CLN8: variants seen among roughly 807,000 people sequenced by gnomAD.
CLN8 encodes protein CLN8.
A neutral mutation model predicts 15.7 loss-of-function variants in CLN8; 14 were observed. The ratio of observed to expected loss-of-function variants is 0.89; its 90% CI spans 0.59 to 1.39. The LOEUF is 1.39. CLN8 is among the 40% of genes most tolerant of loss of function. CLN8 has a pLI of 0.00. For missense variants in CLN8, 415 were observed against 364.0 expected (o/e 1.14, Z -1.14); for synonymous variants, 188 against 151.0 (o/e 1.25, Z -1.80).
chr8:1,768,216 T>C (rs909016579), intron 1 of CLN8, among the ~76,000 whole-genome samples: 3 of 152,190 alleles, frequency 2.0e-5, no homozygotes, highest in African/African-American at 7.2e-5. Flanking sequence ...AGTGCTGGGA[T>C]TACAGGTGTG....
chr8:1,763,175 C>G (rs1444805627), upstream of CLN8: 1 of 151,974 alleles, frequency 6.6e-6, no homozygotes, highest in Non-Finnish European at 1.5e-5. Context: ...ACACCCGGAG[C>G]GCGACTCAGC....
chr8:1,771,338 A>C lies in CLN8; in HGVS notation c.284A>C (p.Lys95Thr). The change falls in exon 2 of 3, where the codon AAG (lysine) becomes ACG (threonine). Residue 95 changes from lysine to threonine, a missense_variant. Transcript: ENST00000331222. ...LLGDPVLHAD[K>T]ARGQQNWCWF... ...GGGGACCCTGTGCTGCATGCCGACA[A>C]GGCGCGTGGCCAGCAGAACTGGTGC... 1 of 1,614,218 alleles carries C rather than the reference A, an allele frequency of 6.2e-7. No individual in the cohort carries two copies. The highest frequency in any genetic ancestry group is 8.5e-7 in the Non-Finnish European group (1 of 1,180,040).
chr8:1,771,509 A>G lies in CLN8; in HGVS notation c.455A>G (p.Asn152Ser), dbSNP rs138581191. Residue 152 changes from asparagine to serine, a missense_variant, in exon 2 of 3, where the codon AAT becomes AGT. Physicochemically the swap from Asn to Ser is conservative, Grantham distance 46 (BLOSUM62 1). Coordinates refer to ENST00000331222, the MANE Select transcript of CLN8 (RefSeq NM_018941.4). Reference protein sequence around the residue: ...AFLGFLGCLVNLQAGHYLAMT... With the variant: ...AFLGFLGCLVSLQAGHYLAMT... ...CTTGGGTTTCTTGGCTGCTTGGTCA[A>G]TCTCCAAGCTGGCCACTATCTAGCT... 153 of 1,613,938 alleles carry G rather than the reference A, an allele frequency of 9.5e-5. No individual in the cohort carries two copies. Among genetic ancestry groups the G allele is most frequent in the East Asian group, 3.6e-4 (16 of 44,880 alleles).
intron 1 of CLN8, 53 bp downstream of exon 1, chr8:1,763,938 C>G (rs1306196982): frequency 6.7e-6 from 1 of 149,638 alleles, no homozygotes; most frequent in Non-Finnish European, 1.5e-5. Context: ...GAGGGGCAGC[C>G]CAGGTGAGCG....
At position 1,781,953 on chromosome 8, in the gene CLN8, T is replaced by TTTTGTGTG. The variant is rs1554452063; in HGVS notation, c.*1387_*1388insTTGTGTGT. ...CAATGTTGTTAACAGACATACAGAA[T>TTTTGTGTG]TGTGTGTGTGTGTGTGTGTGTGTGT... On this transcript the variant is annotated 3_prime_UTR_variant, in exon 3 of 3. Transcript: ENST00000331222. 6.8e-6 allele frequency: 1 copy of TTTTGTGTG among 147,880 alleles called. No individual in the cohort carries two copies. The highest frequency in any genetic ancestry group is 1.5e-5 in the Non-Finnish European group (1 of 66,816). The allele number at this position is 147,880 out of a possible 1,614,324, so 9.2% of individuals were successfully genotyped here.
In CLN8 at chr8:1,773,395, G is replaced by A. The variant is rs1312808666; in HGVS notation, c.543+1798G>A. 4.6e-5 allele frequency among the ~76,000 whole-genome samples: 7 copies of A among 152,316 alleles called. No homozygotes were observed. The South Asian group carries it at 1.0e-3, about 23-fold the overall frequency. The stretch of plus-strand genomic sequence containing the variant: ...TGCGTGGTTTGGGCGGTGGCAGGAG[G>A]AGGTTGGGGGCCGGTGTGATTTGGG... On this transcript the variant is annotated intron_variant, in intron 2 of 2. Coordinates refer to ENST00000331222, the MANE Select transcript of CLN8 (RefSeq NM_018941.4).
intron 1 of CLN8, among the ~76,000 whole-genome samples, chr8:1,764,133 C>T (rs1022958891): frequency 6.6e-6 from 1 of 152,104 alleles, no homozygotes; most frequent in East Asian, 1.9e-4. Flanking sequence ...AGGGGGAGCC[C>T]GGGTGAGGGG....
intron 1 of CLN8, among the ~76,000 whole-genome samples, chr8:1,768,547 C>T (rs1257307291): frequency 6.6e-6 from 1 of 152,202 alleles, no homozygotes; most frequent in East Asian, 1.9e-4. Context: ...TAAGTCAGAG[C>T]TGATGACCTA....
chr8:1,773,045 C>A (rs1801376339), intron 2 of CLN8: 4 of 397,936 alleles, frequency 1.0e-5, no homozygotes, highest in East Asian at 7.1e-5. Context: ...ACAGACTGTT[C>A]ATGCATAACC....
chr8:1,757,798 A>G (rs530946173), intron 1 of CLN8, among the ~76,000 whole-genome samples: 7 of 152,172 alleles, frequency 4.6e-5, no homozygotes, highest in Non-Finnish European at 7.4e-5. Context: ...GCTTCGTCCA[A>G]TGGGGATTTA....
chr8:1,769,002 T>C (rs964075192), intron 1 of CLN8, among the ~76,000 whole-genome samples: 1 of 152,212 alleles, frequency 6.6e-6, no homozygotes, highest in Non-Finnish European at 1.5e-5. Context: ...CACGCCTGTG[T>C]GCCCTGAACT....
chr8:1,758,422 T>G (rs1257191459), intron 1 of CLN8: 1 of 152,214 alleles, frequency 6.6e-6, no homozygotes, highest in South Asian at 2.1e-4. Flanking sequence ...TCCTAAGAAC[T>G]GCTGCATAAG....
chr8:1,774,877 A>T (rs892818278), intron 2 of CLN8, among the ~76,000 whole-genome samples: 1 of 152,128 alleles, frequency 6.6e-6, no homozygotes, highest in Admixed American at 6.6e-5. Flanking sequence ...GTACCAGCCA[A>T]TTGGGAGGCT....
Position 1,774,139 on chromosome 8 carries a change from C to T in CLN8, c.543+2542C>T, listed in dbSNP as rs191594227. On this transcript the variant is annotated intron_variant, in intron 2 of 2. Coordinates refer to ENST00000331222, the MANE Select transcript of CLN8 (RefSeq NM_018941.4). ...GAGCCAGGTGTGGGGACAGCGTCTC[C>T]AGCAGTTCTCCCTCCCCTGGTGTGG... Among the ~76,000 whole-genome samples the T allele has an allele frequency of 5.3e-5, 8 of 152,294 alleles. No homozygotes were observed. The East Asian group carries it at 1.5e-3, about 29-fold the overall frequency.
intron 1 of CLN8, among the ~76,000 whole-genome samples, chr8:1,769,020 C>T (rs1801194527): frequency 6.6e-6 from 1 of 152,188 alleles, no homozygotes; most frequent in South Asian, 2.1e-4. Context: ...ACTCACGCAC[C>T]AGGGGCAGCA....
In CLN8 at chr8:1,770,985, T is replaced by G. The variant is rs1416095244; in HGVS notation, c.-70T>G. ...GGACCGCTGCACTGACTTCATTTCC[T>G]TAGACAAGACACAGTGTAGGGCCCG... On this transcript the variant is annotated 5_prime_UTR_variant, in exon 2 of 3. Coordinates refer to ENST00000331222, the MANE Select transcript of CLN8 (RefSeq NM_018941.4). 1.4e-6 allele frequency: 2 copies of G among 1,466,312 alleles called. No individual in the cohort carries two copies. The highest frequency in any genetic ancestry group is 1.9e-6 in the Non-Finnish European group (2 of 1,050,276). 90.8% of individuals were successfully genotyped at this position (1,466,312 alleles called of 1,614,324 possible). A position where few individuals can be genotyped will look rare whatever the true frequency, so the allele number is the denominator to read the frequency against.
At chr8:1,775,920 A>G (rs1296611070) in intron 2 of CLN8, among the ~76,000 whole-genome samples, 2 of 152,250 alleles carry the variant, frequency 1.3e-5, no homozygotes, top group Non-Finnish European at 2.9e-5. Flanking sequence ...GTCTTCCGTA[A>G]GTGGGAATCT....
At chr8:1,758,851 T>C (rs1384527475), upstream of CLN8, 1 of 152,174 alleles carries the variant, frequency 6.6e-6, no homozygotes, top group Non-Finnish European at 1.5e-5. Flanking sequence ...GAGCTCTTAT[T>C]GGACCTAAAA....
rs1801703211 is a variant in CLN8, at chr8:1,781,211, A to C, written c.*644A>C. 1 of 152,504 alleles carries C rather than the reference A, an allele frequency of 6.6e-6. No individual in the cohort carries two copies. Among genetic ancestry groups the C allele is most frequent in the Admixed American group, 6.5e-5 (1 of 15,286 alleles). The allele number at this position is 152,504 out of a possible 1,614,324, so 9.4% of individuals were successfully genotyped here. ...CATCTCTACTAAAATTACAAAAATT[A>C]GCCGGGTGTCGTGGCACACACCTGT... On this transcript the variant is annotated 3_prime_UTR_variant, in exon 3 of 3. Transcript: ENST00000331222.
Sources: allele counts gnomAD v4.1 joint callset (sites outside exome capture counted in the v4.1 genomes callset), GRCh38; gene constraint gnomAD v4.1.1; transcripts MANE v1.5; gene names NCBI Gene and HGNC (gene_info 2026-07-23, HGNC 2026-07-21).